The following LHFPL3 variants were observed in gnomAD, a reference collection of about 807,000 sequenced individuals.
LHFPL3 encodes LHFPL tetraspan subfamily member 3 protein.
In LHFPL3, 5 loss-of-function variants were observed where a neutral mutation model predicts 19.3. The observed-to-expected ratio is 0.26, with a 90% CI of 0.14 to 0.54. The LOEUF (loss-of-function observed/expected upper bound fraction) is 0.54. LHFPL3 is among the 20% of genes least tolerant of loss of function. LHFPL3 has a pLI of 0.94. For missense variants in LHFPL3, 249 were observed against 307.4 expected (o/e 0.81, Z 1.42); for synonymous variants, 133 against 126.2 (o/e 1.05, Z -0.36).
At chr7:104,369,923 T>C (rs1388185473) in intron 1 of LHFPL3, among the ~76,000 whole-genome samples, 2 of 152,234 alleles carry the variant, frequency 1.3e-5, no homozygotes, top group Admixed American at 1.3e-4. Context: ...ATGAAAGATG[T>C]AATTTGCAAA....
chr7:104,789,291 A>G (rs773570025), intron 2 of LHFPL3, among the ~76,000 whole-genome samples: 27 of 152,164 alleles, frequency 1.8e-4, no homozygotes, highest in Admixed American at 4.6e-4. Context: ...CTTGATAAGT[A>G]CATGGTGTTC....
intron 1 of LHFPL3, among the ~76,000 whole-genome samples, chr7:104,466,726 C>T (rs943900186): frequency 2.0e-5 from 3 of 152,138 alleles, no homozygotes; most frequent in Non-Finnish European, 4.4e-5. Context: ...AGTTATAATC[C>T]CTGCCTATGG....
At chr7:104,419,061 T>A (rs1421958309) in intron 1 of LHFPL3, among the ~76,000 whole-genome samples, 2 of 152,228 alleles carry the variant, frequency 1.3e-5, no homozygotes, top group African/African-American at 2.4e-5. Flanking sequence ...TGTTTAAGAT[T>A]TAACAAGATG....
intron 1 of LHFPL3, among the ~76,000 whole-genome samples, chr7:104,515,031 A>C (rs1224677750): frequency 6.6e-6 from 1 of 152,158 alleles, no homozygotes; most frequent in Non-Finnish European, 1.5e-5. Flanking sequence ...ATTTTGTCCT[A>C]CTTCTTTCAC....
chr7:104,509,851 T>C (rs893457673), intron 1 of LHFPL3, among the ~76,000 whole-genome samples: 1 of 152,076 alleles, frequency 6.6e-6, no homozygotes, highest in South Asian at 2.1e-4. Context: ...TCCCAAGGAA[T>C]CTACAAAAAT....
chr7:104,592,586 A>G lies in LHFPL3; in HGVS notation c.446-144089A>G, dbSNP rs570702476. Among the ~76,000 whole-genome samples, 5 of 152,290 alleles carry G rather than the reference A, an allele frequency of 3.3e-5. No individual in the cohort carries two copies. In the East Asian group the frequency reaches 9.7e-4, roughly 29 times the overall value. On this transcript the variant is annotated intron_variant, in intron 1 of 2. Coordinates refer to ENST00000424859, the MANE Select transcript of LHFPL3 (RefSeq NM_199000.3). ...CACTTGAGGCAGTCTATCTGTTCTCAGATCTCAAACTCTGTGCTGGGAGAA... is the reference window on the plus strand; with the variant it reads ...CACTTGAGGCAGTCTATCTGTTCTCGGATCTCAAACTCTGTGCTGGGAGAA...
intron 2 of LHFPL3, among the ~76,000 whole-genome samples, chr7:104,791,281 G>A (rs1420264937): frequency 1.3e-5 from 2 of 152,194 alleles, no homozygotes; most frequent in East Asian, 1.9e-4. Flanking sequence ...AATTCAAAAG[G>A]CTGAGAACAA....
intron 2 of LHFPL3, among the ~76,000 whole-genome samples, chr7:104,888,655 G>C (rs1373957255): frequency 6.6e-6 from 1 of 152,172 alleles, no homozygotes; most frequent in Non-Finnish European, 1.5e-5. Flanking sequence ...TTGTCCTTGA[G>C]GCATGCACAA....
chr7:104,704,118 CT>C (rs1407928560), intron 1 of LHFPL3, among the ~76,000 whole-genome samples: 1 of 152,180 alleles, frequency 6.6e-6, no homozygotes, highest in African/African-American at 2.4e-5. Flanking sequence ...CTCTCCCAAA[CT>C]GTGTTCAATG....
intron 1 of LHFPL3, among the ~76,000 whole-genome samples, chr7:104,653,773 C>CA (rs1792075108): frequency 6.6e-6 from 1 of 152,246 alleles, no homozygotes; most frequent in Admixed American, 6.5e-5. Context: ...TGTTCACCTG[C>CA]AAAAATTCAT....
At position 104,667,720 on chromosome 7, in the gene LHFPL3, A is replaced by G. The variant is rs1344783622; in HGVS notation, c.446-68955A>G. 16 of 1,482,470 alleles carry G rather than the reference A, an allele frequency of 1.1e-5. No homozygotes were observed. The East Asian group carries it at 3.7e-4, about 34-fold the overall frequency. 91.8% of individuals were successfully genotyped at this position (1,482,470 alleles called of 1,614,324 possible). A position where few individuals can be genotyped will look rare whatever the true frequency, so the allele number is the denominator to read the frequency against. On this transcript the variant is annotated intron_variant, in intron 1 of 2. Coordinates refer to ENST00000424859, the MANE Select transcript of LHFPL3 (RefSeq NM_199000.3). ...ACAACTTAGAGGAGTACTTAAAGAA[A>G]TACAAGGAAAAGCTTTCCCTCTGCC...
At chr7:104,873,858 C>T (rs6963979) in intron 2 of LHFPL3, among the ~76,000 whole-genome samples, 2 of 151,998 alleles carry the variant, frequency 1.3e-5, no homozygotes, top group African/African-American at 2.4e-5. Context: ...GTTATCTGCA[C>T]CCATTTAACA....
chr7:104,791,614 G>A (rs1251108453), intron 2 of LHFPL3, among the ~76,000 whole-genome samples: 1 of 152,132 alleles, frequency 6.6e-6, no homozygotes, highest in Non-Finnish European at 1.5e-5. Context: ...TAAAATTTGT[G>A]GAAGATCTCC....
At chr7:104,757,054 C>T (rs1049934369) in intron 2 of LHFPL3, among the ~76,000 whole-genome samples, 6 of 152,124 alleles carry the variant, frequency 3.9e-5, no homozygotes, top group African/African-American at 1.4e-4. Flanking sequence ...AATAAAGCTG[C>T]ACACCTACAA....
intron 1 of LHFPL3, among the ~76,000 whole-genome samples, chr7:104,395,515 C>T (rs540238193): frequency 2.0e-5 from 3 of 152,320 alleles, no homozygotes; most frequent in African/African-American, 7.2e-5. Context: ...ACTTTCTCCT[C>T]CACTCCTACC....
intron 1 of LHFPL3, among the ~76,000 whole-genome samples, chr7:104,735,462 C>T (rs1793793962): frequency 1.3e-5 from 2 of 152,234 alleles, no homozygotes; most frequent in South Asian, 4.1e-4. Context: ...AGTTTGATCT[C>T]AGACTGCTGT....
At chr7:104,536,247 AAACAG>A (rs1369108219) in intron 1 of LHFPL3, among the ~76,000 whole-genome samples, 4 of 152,344 alleles carry the variant, frequency 2.6e-5, no homozygotes, top group African/African-American at 7.2e-5. Context: ...TCAATAAGAA[AAACAG>A]AACAGAAACA....
At chr7:104,615,517 G>T (rs534031756) in intron 1 of LHFPL3, among the ~76,000 whole-genome samples, 143 of 152,248 alleles carry the variant, frequency 9.4e-4, no homozygotes, top group Admixed American at 2.8e-3. Context: ...CCTAAATTCG[G>T]TGATTCAGCT....
intron 1 of LHFPL3, among the ~76,000 whole-genome samples, chr7:104,333,338 G>C (rs1801605660): frequency 6.6e-6 from 1 of 152,138 alleles, no homozygotes; most frequent in Admixed American, 6.5e-5. Flanking sequence ...TGCATTTCTT[G>C]GTCAAAGGCA....
Sources: allele counts gnomAD v4.1 joint callset (sites outside exome capture counted in the v4.1 genomes callset), GRCh38; gene constraint gnomAD v4.1.1; transcripts MANE v1.5; gene names NCBI Gene and HGNC (gene_info 2026-07-23, HGNC 2026-07-21).